GLDN: variants seen among roughly 807,000 people sequenced by gnomAD.
GLDN encodes gliomedin.
A neutral mutation model predicts 56.5 loss-of-function variants in GLDN; 47 were observed. The observed-to-expected ratio is 0.83, with a 90% CI of 0.66 to 1.06. The LOEUF (loss-of-function observed/expected upper bound fraction) is 1.06, where lower values mean the gene tolerates loss of function less well. GLDN is among the 50% of genes least tolerant of loss of function. The pLI is 0.00. For synonymous variants in GLDN, 332 were observed against 278.8 expected (o/e 1.19, Z -1.90); for missense variants, 782 against 714.3 (o/e 1.09, Z -1.08).
intron 1 of GLDN, among the ~76,000 whole-genome samples, chr15:51,343,594 C>T (rs1052604412): frequency 2.0e-5 from 3 of 152,218 alleles, no homozygotes; most frequent in African/African-American, 7.2e-5. Context: ...GCAGTGCTAC[C>T]ACTAACTCTG....
intron 1 of GLDN, among the ~76,000 whole-genome samples, chr15:51,365,181 C>A (rs2037375517): frequency 6.6e-6 from 1 of 152,072 alleles, no homozygotes; most frequent in Non-Finnish European, 1.5e-5. Flanking sequence ...CCACTGACAC[C>A]AAGAAGGGGC....
chr15:51,386,284 G>A (rs757777742), intron 4 of GLDN, among the ~76,000 whole-genome samples: 1 of 152,278 alleles, frequency 6.6e-6, no homozygotes, highest in Middle Eastern at 3.4e-3. Context: ...GGAAGTGGGA[G>A]ACTAACCACC....
At chr15:51,351,123 T>G (rs2037068345) in intron 1 of GLDN, 2 of 297,330 alleles carry the variant, frequency 6.7e-6, no homozygotes, top group South Asian at 3.8e-5. Context: ...TCTTGGCCCT[T>G]TCTCTTCTTA....
chr15:51,403,801 A>G (rs1377524982), intron 9 of GLDN, among the ~76,000 whole-genome samples: 1 of 152,058 alleles, frequency 6.6e-6, no homozygotes, highest in African/African-American at 2.4e-5. Flanking sequence ...CCTAAGTTCA[A>G]CCTCTGGCTC....
chr15:51,403,117 A>G (rs1001957560), intron 9 of GLDN, among the ~76,000 whole-genome samples: 3 of 152,168 alleles, frequency 2.0e-5, no homozygotes, highest in Non-Finnish European at 4.4e-5. Context: ...AAGGAAGCTA[A>G]GTTTGGATGC....
At chr15:51,362,130 C>T (rs1345674167) in intron 1 of GLDN, among the ~76,000 whole-genome samples, 1 of 151,960 alleles carries the variant, frequency 6.6e-6, no homozygotes, top group East Asian at 1.9e-4. Context: ...GCAAAGGCCC[C>T]GAGTTGAGAG....
chr15:51,402,782 A>G (rs1175591324), intron 9 of GLDN, among the ~76,000 whole-genome samples: 1 of 152,180 alleles, frequency 6.6e-6, no homozygotes, highest in Non-Finnish European at 1.5e-5. Flanking sequence ...GACACATCGG[A>G]CACTGGCGTC....
chr15:51,353,734 A>AAAAAAAAAAAAAAAAAAAAAAAC (rs60404846), intron 1 of GLDN, among the ~76,000 whole-genome samples: 21 of 128,876 alleles, frequency 1.6e-4, no homozygotes, highest in Non-Finnish European at 2.3e-4. Flanking sequence ...AAAAAAAAAA[A>AAAAAAAAAAAAAAAAAAAAAAAC]CCACAGTCAA....
At position 51,355,577 on chromosome 15, in the gene GLDN, C is replaced by G. The variant is rs1461293584; in HGVS notation, c.363+13530C>G. 1.0e-4 allele frequency among the ~76,000 whole-genome samples: 15 copies of G among 145,078 alleles called. 1 individual carries two copies. Among genetic ancestry groups the G allele is most frequent in the Admixed American group, 6.3e-4 (9 of 14,372 alleles). On this transcript the variant is annotated intron_variant, in intron 1 of 9. Coordinates refer to ENST00000335449, the MANE Select transcript of GLDN (RefSeq NM_181789.4). ...CTCACTCTGTTGCCCAGGCTGGAGTCCAGTGGCATGATTTCGGCTCACTTT... is the reference window on the plus strand; with the variant it reads ...CTCACTCTGTTGCCCAGGCTGGAGTGCAGTGGCATGATTTCGGCTCACTTT...
chr15:51,382,619 G>A (rs1454025841), intron 2 of GLDN, among the ~76,000 whole-genome samples: 7 of 151,476 alleles, frequency 4.6e-5, no homozygotes, highest in East Asian at 1.9e-4. Flanking sequence ...CCAGCTACTC[G>A]GGAGGCTGAG....
chr15:51,378,457 G>C (rs1185952777), intron 2 of GLDN, among the ~76,000 whole-genome samples: 2 of 152,176 alleles, frequency 1.3e-5, no homozygotes, highest in African/African-American at 4.8e-5. Context: ...ATGAGTGCTA[G>C]AGAAATGGAT....
intron 8 of GLDN, 102 bp downstream of exon 8, chr15:51,400,600 G>A (rs1454229621): frequency 2.3e-5 from 28 of 1,225,878 alleles, no homozygotes; most frequent in East Asian, 9.4e-5. Context: ...TGAAATCCCC[G>A]GTAGCTGGTG....
chr15:51,371,120 A>C (rs2037508293), intron 1 of GLDN, among the ~76,000 whole-genome samples: 1 of 152,232 alleles, frequency 6.6e-6, no homozygotes. Context: ...TTATACAAAA[A>C]CATCTAGGGA....
At position 51,362,319 on chromosome 15, in the gene GLDN, T is replaced by A. The variant is rs1280038965; in HGVS notation, c.364-15130T>A. 1.9e-3 allele frequency among the ~76,000 whole-genome samples: 290 copies of A among 152,146 alleles called. 1 individual carries two copies. Among genetic ancestry groups the A allele is most frequent in the African/African-American group, 6.6e-3 (274 of 41,540 alleles). ...GACCAACTTGGAGAAACTCCGTCTC[T>A]ACCAAATATATACAAATTAGCTCAG... On this transcript the variant is annotated intron_variant, in intron 1 of 9. Transcript: ENST00000335449.
rs2036888280 is a variant in GLDN, at chr15:51,341,854, G to C, written c.170G>C (p.Arg57Pro). 2.0e-6 allele frequency: 3 copies of C among 1,531,524 alleles called. No homozygotes were observed. The highest frequency in any genetic ancestry group is 1.2e-5 in the South Asian group (1 of 84,400). The allele number at this position is 1,531,524 out of a possible 1,614,324, so 94.9% of individuals were successfully genotyped here. Residue 57 changes from arginine to proline, a missense_variant, in exon 1 of 10, where the codon CGG becomes CCG. By Grantham distance (103) the Arg-to-Pro change is moderately radical. Transcript: ENST00000335449. ...CGGGCTTTGGAGGCGCAGCGGGGCC[G>C]GGAGCAGCGCGAGGACAGTGCCCTG... Reference protein sequence around the residue: ...ALRALEAQRGREQREDSALRS... With the variant: ...ALRALEAQRGPEQREDSALRS...
intron 1 of GLDN, among the ~76,000 whole-genome samples, chr15:51,352,215 A>C (rs74826590): frequency 0.047 from 7,124 of 152,140 alleles, 557 homozygotes; most frequent in African/African-American, 0.16. Flanking sequence ...CCATGGTGGA[A>C]GGGCAAGGCA....
chr15:51,353,617 C>A (rs1432356743), intron 1 of GLDN, among the ~76,000 whole-genome samples: 1 of 148,898 alleles, frequency 6.7e-6, no homozygotes, highest in Non-Finnish European at 1.5e-5. Context: ...AGAGCAAAAA[C>A]AGGTAGAGAA....
intron 1 of GLDN, among the ~76,000 whole-genome samples, chr15:51,358,616 C>T (rs2470185): frequency 0.17 from 25,826 of 152,140 alleles, 2,708 homozygotes; most frequent in East Asian, 0.49. Flanking sequence ...AAAAGGACAC[C>T]AGAACCATAG....
intron 1 of GLDN, among the ~76,000 whole-genome samples, chr15:51,355,201 C>T (rs1291581674): frequency 1.3e-5 from 2 of 152,158 alleles, no homozygotes; most frequent in Non-Finnish European, 2.9e-5. Flanking sequence ...AGAGCAGCCC[C>T]AAAGGCTGCT....
Sources: allele counts gnomAD v4.1 joint callset (sites outside exome capture counted in the v4.1 genomes callset), GRCh38; gene constraint gnomAD v4.1.1; transcripts MANE v1.5; gene names NCBI Gene and HGNC (gene_info 2026-07-23, HGNC 2026-07-21).